FAM53A: variants seen among roughly 807,000 people sequenced by gnomAD.
FAM53A encodes the protein family with sequence similarity 53 member A.
A neutral mutation model predicts 26.6 loss-of-function variants in FAM53A; 28 were observed. That is an observed-to-expected ratio of 1.05 (90% CI 0.78 to 1.45). FAM53A has a LOEUF of 1.45. FAM53A is among the 40% of genes most tolerant of loss of function. The pLI, the probability that FAM53A is intolerant of heterozygous loss-of-function variation, is 0.00. For missense variants in FAM53A, 650 were observed against 575.8 expected, an observed-to-expected ratio of 1.13 and a Z score of -1.32; for synonymous variants, 290 against 253.1, an observed-to-expected ratio of 1.15 and a Z score of -1.38.
At chr4:1,611,914 G>A in the FAM53A span, among the ~76,000 whole-genome samples, 2 of 152,194 alleles carry the variant, frequency 1.3e-5, no homozygotes, top group Admixed American at 1.3e-4. Context: ...CAGGGGAGGT[G>A]GTTTTATAGG....
the FAM53A span, among the ~76,000 whole-genome samples, chr4:1,575,712 G>A: frequency 6.6e-6 from 1 of 152,140 alleles, no homozygotes; most frequent in Non-Finnish European, 1.5e-5. Flanking sequence ...CACCCCTGGG[G>A]TCCTAAACAA....
the FAM53A span, among the ~76,000 whole-genome samples, chr4:1,579,239 C>T: frequency 8.8e-5 from 13 of 148,372 alleles, no homozygotes; most frequent in Non-Finnish European, 1.6e-4. Context: ...CCGAGGGTCC[C>T]AGCCAGAGCC....
chr4:1,600,781 C>G, the FAM53A span, among the ~76,000 whole-genome samples: 1 of 152,194 alleles, frequency 6.6e-6, no homozygotes, highest in Non-Finnish European at 1.5e-5. Flanking sequence ...CTCAGCCTCC[C>G]CGGCTCAGGC....
the FAM53A span, among the ~76,000 whole-genome samples, chr4:1,579,683 G>A: frequency 1.3e-5 from 2 of 152,212 alleles, no homozygotes; most frequent in Non-Finnish European, 2.9e-5. Context: ...AGAACGCCCA[G>A]GTCCGAGGTG....
chr4:1,678,683 G>A (rs554777226), intron 1 of FAM53A, among the ~76,000 whole-genome samples: 10 of 152,222 alleles, frequency 6.6e-5, no homozygotes, highest in South Asian at 2.1e-4. Context: ...TTAGCCAGGC[G>A]TGGTGGCGTA....
chr4:1,606,532 G>A, the FAM53A span, among the ~76,000 whole-genome samples: 4 of 152,312 alleles, frequency 2.6e-5, no homozygotes, highest in South Asian at 2.1e-4. Flanking sequence ...CCCCCAGAGT[G>A]TGTGAGGTGT....
At chr4:1,625,014 C>T (rs1419980742) in intron 1 of FAM53A, among the ~76,000 whole-genome samples, 1 of 142,876 alleles carries the variant, frequency 7.0e-6, no homozygotes, top group Non-Finnish European at 1.5e-5. Context: ...GCCCCACGTC[C>T]CAGCCCACGT....
chr4:1,647,644 G>C (rs757398967), intron 4 of FAM53A, among the ~76,000 whole-genome samples: 2 of 152,238 alleles, frequency 1.3e-5, no homozygotes, highest in African/African-American at 4.8e-5. Context: ...TGCGCATACC[G>C]AGTCCGCCAG....
At chr4:1,592,444 T>C in the FAM53A span, among the ~76,000 whole-genome samples, 1 of 152,174 alleles carries the variant, frequency 6.6e-6, no homozygotes, top group African/African-American at 2.4e-5. Context: ...CCAGGATTCC[T>C]GAGCAAGGCC....
In FAM53A at chr4:1,641,498, G is replaced by A. The variant is rs374029502; in HGVS notation, c.992C>T (p.Pro331Leu). 2 of 1,614,066 alleles carry A rather than the reference G, an allele frequency of 1.2e-6. No homozygotes were observed. Among genetic ancestry groups the A allele is most frequent in the African/African-American group, 1.3e-5 (1 of 74,936 alleles). Reference sequence around the variant, plus strand: ...GCTGCAGCCAGGCATGGTGATGCCAGGGAGGCCCCGGGAGTCACATGGGGA... The same window carrying A: ...GCTGCAGCCAGGCATGGTGATGCCAAGGAGGCCCCGGGAGTCACATGGGGA... ...LSSPCDSRGL[P>L]GITMPGCSQR... Residue 331 changes from proline to leucine, a missense_variant, in exon 5 of 5, where the codon CCT (proline) becomes CTT (leucine). Pro to Leu is a moderately conservative substitution (Grantham distance 98, BLOSUM62 -3). Coordinates refer to ENST00000308132, the MANE Select transcript of FAM53A (RefSeq NM_001174070.3).
Position 1,668,851 on chromosome 4 carries a change from T to G in FAM53A, c.-110A>C. 1.0e-6 allele frequency: 1 copy of G among 991,250 alleles called. No individual in the cohort carries two copies. Among genetic ancestry groups the G allele is most frequent in the East Asian group, 2.5e-5 (1 of 40,500 alleles). 61.4% of individuals were successfully genotyped at this position (991,250 alleles called of 1,614,324 possible). A position where few individuals can be genotyped will look rare whatever the true frequency, so the allele number is the denominator to read the frequency against. ...GTCAGCCAAATCTCAAGGTCATGTC[T>G]CCACTTTCTTTACAGATGAGCAGTC... On this transcript the variant is annotated 5_prime_UTR_variant, in exon 2 of 5. Coordinates refer to ENST00000308132, the MANE Select transcript of FAM53A (RefSeq NM_001174070.3).
Position 1,668,765 on chromosome 4 carries a change from C to T in FAM53A, c.-24G>A, listed in dbSNP as rs755264161. The T allele has an allele frequency of 9.3e-6, 15 of 1,612,808 alleles. No homozygotes were observed. The highest frequency in any genetic ancestry group is 1.2e-5 in the Non-Finnish European group (14 of 1,178,890). On this transcript the variant is annotated 5_prime_UTR_variant, in exon 2 of 5. Coordinates refer to ENST00000308132, the MANE Select transcript of FAM53A (RefSeq NM_001174070.3). ...ATGGTCGGGGCCCCGTGTCCTCCGT[C>T]CACACCAACAGGCACTGGAGTCCTG...
intron 1 of FAM53A, among the ~76,000 whole-genome samples, chr4:1,623,315 G>T (rs1241982717): frequency 6.8e-6 from 1 of 146,936 alleles, no homozygotes; most frequent in Non-Finnish European, 1.5e-5. Context: ...TCAGGAAGAG[G>T]CCTGGCTCCT....
rs373027174 is a variant in FAM53A at position 1,619,772 on chromosome 4, C to T, written c.432-1661G>A. ...CCCTGGCAGGAATGGGGGTTCACGG[C>T]GTCCACACGCAAAGCCCTGTCCTGG... On this transcript the variant is annotated intron_variant, in intron 1 of 1. Transcript: ENST00000489029. Among the ~76,000 whole-genome samples, 13 of 152,320 alleles carry T rather than the reference C, an allele frequency of 8.5e-5. No homozygotes were observed. The South Asian group carries it at 1.9e-3, about 22-fold the overall frequency.
At chr4:1,583,059 C>A in the FAM53A span, among the ~76,000 whole-genome samples, 4 of 152,152 alleles carry the variant, frequency 2.6e-5, no homozygotes, top group Non-Finnish European at 5.9e-5. Flanking sequence ...CTCTTAGGAG[C>A]CTAAACAAAG....
At chr4:1,628,647 G>GC (rs558493490) in intron 1 of FAM53A, among the ~76,000 whole-genome samples, 1 of 29,646 alleles carries the variant, frequency 3.4e-5, no homozygotes, top group African/African-American at 1.9e-4. Flanking sequence ...GGGTGGCATG[G>GC]GGGAGGGTGG....
At position 1,655,182 on chromosome 4, in the gene FAM53A, C is replaced by A; in HGVS notation, c.678G>T (p.Gln226His). 1 of 1,570,912 alleles carries A rather than the reference C, an allele frequency of 6.4e-7. No individual in the cohort carries two copies. The highest frequency in any genetic ancestry group is 1.7e-4 in the Middle Eastern group (1 of 5,822). ...GAGTGCCCGCACCCGCGAGTCGCTC[C>A]TGTGAGAGGGACGGGCGGCGCCTCG... is the stretch of plus-strand genomic sequence containing the variant. ...PSTRRRPSLS[Q>H]ERLAGAGTPL... Residue 226 changes from glutamine to histidine, a missense_variant, in exon 4 of 5, where the codon CAG becomes CAT. Gln to His is a conservative substitution (Grantham distance 24). Coordinates refer to ENST00000308132, the MANE Select transcript of FAM53A (RefSeq NM_001174070.3).
chr4:1,637,933 G>A (rs542530366), downstream of FAM53A, among the ~76,000 whole-genome samples: 57 of 148,016 alleles, frequency 3.9e-4, no homozygotes, highest in South Asian at 6.6e-4. Flanking sequence ...ACCTGTCCAC[G>A]GCTCTGGGGT....
the FAM53A span, among the ~76,000 whole-genome samples, chr4:1,598,469 C>T: frequency 6.6e-6 from 1 of 152,196 alleles, no homozygotes; most frequent in African/African-American, 2.4e-5. Context: ...AACAATGAGG[C>T]TGAGAAAGGA....
Sources: gnomAD v4.1 joint callset for allele counts (sites outside exome capture counted in the v4.1 genomes callset) on GRCh38, gnomAD v4.1.1 for gene constraint, MANE v1.5 for transcripts, NCBI Gene and HGNC (gene_info 2026-07-23, HGNC 2026-07-21) for gene names.